NEMP2: variants seen among roughly 807,000 people sequenced by gnomAD.
The protein encoded by NEMP2 is nuclear envelope integral membrane protein 2.
NEMP2 carries 53 observed loss-of-function variants against 54.2 expected under a neutral mutation model. The ratio of observed to expected loss-of-function variants is 0.98; its 90% CI spans 0.78 to 1.23. The LOEUF is 1.23. Ranked by LOEUF, NEMP2 falls within the 50% of genes most tolerant of loss-of-function variation. NEMP2 has a pLI of 0.00. For missense variants in NEMP2, 455 were observed against 511.3 expected (o/e 0.89, Z 1.06); for synonymous variants, 197 against 190.3 (o/e 1.04, Z -0.29).
rs774877917 is a variant in NEMP2, at chr2:190,510,390, C to G, written c.1101G>C (p.Leu367=). The G allele has an allele frequency of 4.7e-5, 73 of 1,551,574 alleles. No individual in the cohort carries two copies. Among genetic ancestry groups the G allele is most frequent in the Non-Finnish European group, 5.9e-5 (68 of 1,147,016 alleles). ...ACRKPDFPSW[L]VVSRLHTPSK... ...TAGGAGTGTGGAGTCTGGAGACGACCAGCCATGAGGGAAAGTCGGGTTTTC... is the reference window on the plus strand; with the variant it reads ...TAGGAGTGTGGAGTCTGGAGACGACGAGCCATGAGGGAAAGTCGGGTTTTC... Residue 367 remains leucine (L), a synonymous_variant, in exon 8 of 9, where the codon CTG becomes CTC. Coordinates refer to ENST00000409150, the MANE Select transcript of NEMP2 (RefSeq NM_001142645.2). This position sits in a 1 kb window ranked among gnomAD's most constrained non-coding sequence, Gnocchi z 5.7.
chr2:190,624,198 A>T, the NEMP2 span, among the ~76,000 whole-genome samples: 1 of 152,242 alleles, frequency 6.6e-6, no homozygotes, highest in Admixed American at 6.5e-5. Context: ...TATTAAAAAA[A>T]TGGTCAACAT....
chr2:190,479,408 T>A, the NEMP2 span, among the ~76,000 whole-genome samples: 23 of 152,328 alleles, frequency 1.5e-4, no homozygotes, highest in African/African-American at 5.1e-4. Context: ...GGAGTCTACG[T>A]GCCTAAAAGC....
At chr2:190,541,288 C>T in the NEMP2 span, among the ~76,000 whole-genome samples, 1 of 151,382 alleles carries the variant, frequency 6.6e-6, no homozygotes, top group Non-Finnish European at 1.5e-5. The surrounding 1 kb of genome is among the most constrained non-coding windows in gnomAD (Gnocchi z 5.2). Flanking sequence ...TTTCTAGTTC[C>T]TTCTAGTTCC....
chr2:190,553,878 G>A, the NEMP2 span, among the ~76,000 whole-genome samples: 2 of 152,276 alleles, frequency 1.3e-5, no homozygotes, highest in East Asian at 1.9e-4. Context: ...CTGGCAAGAT[G>A]GCTGAATAGG....
At position 190,519,075 on chromosome 2, in the gene NEMP2, A is replaced by C; in HGVS notation, c.322T>G (p.Phe108Val). The C allele has an allele frequency of 1.3e-6, 2 of 1,550,998 alleles. No individual in the cohort carries two copies. The highest frequency in any genetic ancestry group is 1.2e-5 in the South Asian group (1 of 84,042). ...TCGTTAGATTCCTTTGGTATCCAAA[A>C]GTTATGAATCACACATTTGATAAAA... is the stretch of plus-strand genomic sequence containing the variant. ...LSFIKCVIHN[F>V]WIPKESNEIT... The change falls in exon 3 of 9, where the codon TTT becomes GTT. Residue 108 changes from phenylalanine (F) to valine (V), a missense_variant. Coordinates refer to ENST00000409150, the MANE Select transcript of NEMP2 (RefSeq NM_001142645.2). The surrounding 1 kb of genome is among the most constrained non-coding windows in gnomAD (Gnocchi z 5.4).
the NEMP2 span, chr2:190,437,627 CCTT>C: frequency 3.5e-5 from 53 of 1,498,866 alleles, 1 homozygote; most frequent in South Asian, 2.8e-4. This position sits in a 1 kb window ranked among gnomAD's most constrained non-coding sequence, Gnocchi z 5.9. Flanking sequence ...GTTTATAGCT[CCTT>C]CTACTACAAT....
rs1215769519 is a variant in NEMP2 at position 190,531,336 on chromosome 2, T to A, written c.97+3223A>T. On this transcript the variant is annotated intron_variant, in intron 1 of 8. Coordinates refer to ENST00000409150, the MANE Select transcript of NEMP2 (RefSeq NM_001142645.2). The surrounding 1 kb of genome is among the most constrained non-coding windows in gnomAD (Gnocchi z 4.7). ...GGCTATCCCAGGTTTGCCTCAACCC[T>A]CAAGGACTGAGGAGTATCTGTGGGA... Among the ~76,000 whole-genome samples the A allele has an allele frequency of 6.6e-6, 1 of 152,120 alleles. No individual in the cohort carries two copies. The highest frequency in any genetic ancestry group is 1.9e-4 in the East Asian group (1 of 5,190).
rs1574313235 is a variant in NEMP2 at position 190,527,152 on chromosome 2, T to C, written c.98-1774A>G. Reference sequence around the variant, plus strand: ...AGAAATGGGCTTTACATCCAACCCCTGACTCCTTTAAGGAAAGTGTGGTCA... The same window carrying C: ...AGAAATGGGCTTTACATCCAACCCCCGACTCCTTTAAGGAAAGTGTGGTCA... On this transcript the variant is annotated intron_variant, in intron 1 of 8. Coordinates refer to ENST00000409150, the MANE Select transcript of NEMP2 (RefSeq NM_001142645.2). The surrounding 1 kb of genome is among the most constrained non-coding windows in gnomAD (Gnocchi z 4.0). Among the ~76,000 whole-genome samples the C allele has an allele frequency of 6.6e-6, 1 of 152,332 alleles. No homozygotes were observed. Among genetic ancestry groups the C allele is most frequent in the East Asian group, 1.9e-4 (1 of 5,182 alleles).
chr2:190,560,628 T>C, the NEMP2 span, among the ~76,000 whole-genome samples: 191 of 152,372 alleles, frequency 1.3e-3, 1 homozygote, highest in African/African-American at 4.3e-3. The surrounding 1 kb of genome is among the most constrained non-coding windows in gnomAD (Gnocchi z 5.4). Flanking sequence ...TCTTAGGTGA[T>C]ACCTTCTTTT....
chr2:190,435,683 C>CT, the NEMP2 span, among the ~76,000 whole-genome samples: 1 of 152,120 alleles, frequency 6.6e-6, no homozygotes, highest in South Asian at 2.1e-4. Flanking sequence ...GACATAATCC[C>CT]TATTATTTGT....
At chr2:190,639,741 C>G in the NEMP2 span, among the ~76,000 whole-genome samples, 36,423 of 151,822 alleles carry the variant, frequency 0.24, 5,036 homozygotes, top group South Asian at 0.34. Flanking sequence ...CTCAGCCTCC[C>G]GGGTTCAAGT....
At chr2:190,442,558 A>T in the NEMP2 span, 1 of 150,338 alleles carries the variant, frequency 6.7e-6, no homozygotes, top group African/African-American at 2.4e-5. Context: ...AAGAGACGGT[A>T]CAGGCCTGAA....
the NEMP2 span, among the ~76,000 whole-genome samples, chr2:190,551,649 T>C: frequency 6.6e-6 from 1 of 152,230 alleles, no homozygotes; most frequent in Non-Finnish European, 1.5e-5. Flanking sequence ...CATGTCTTTC[T>C]TGTGTAGGGA....
the NEMP2 span, among the ~76,000 whole-genome samples, chr2:190,540,106 C>T: frequency 7.2e-4 from 109 of 152,036 alleles, no homozygotes; most frequent in East Asian, 9.7e-4. Context: ...ATATTCAGTT[C>T]GTTGAAGGTT....
chr2:190,543,935 T>A, the NEMP2 span, among the ~76,000 whole-genome samples: 1 of 152,220 alleles, frequency 6.6e-6, no homozygotes, highest in Non-Finnish European at 1.5e-5. The surrounding 1 kb of genome is among the most constrained non-coding windows in gnomAD (Gnocchi z 4.7). Context: ...AGAAGTAAAA[T>A]TCAGCTCATG....
In NEMP2 at chr2:190,527,064, A is replaced by T. The variant is rs1052640379; in HGVS notation, c.98-1686T>A. Among the ~76,000 whole-genome samples the T allele has an allele frequency of 6.6e-6, 1 of 152,190 alleles. No individual in the cohort carries two copies. The highest frequency in any genetic ancestry group is 2.4e-5 in the African/African-American group (1 of 41,436). On this transcript the variant is annotated intron_variant, in intron 1 of 8. Transcript: ENST00000409150. This position sits in a 1 kb window ranked among gnomAD's most constrained non-coding sequence, Gnocchi z 4.0. ...TCGTAAGTTCTTCCGGATTCAAGAT[A>T]GAGTGTCACCTCCACATCTGTTCTT...
At chr2:190,466,206 T>C in the NEMP2 span, among the ~76,000 whole-genome samples, 19 of 152,314 alleles carry the variant, frequency 1.2e-4, no homozygotes, top group South Asian at 3.7e-3. Context: ...TAAGGCTATA[T>C]TTCCAAATAC....
the NEMP2 span, chr2:190,497,942 C>G: frequency 2.3e-6 from 1 of 427,374 alleles, no homozygotes; most frequent in Non-Finnish European, 4.1e-6. The surrounding 1 kb of genome is among the most constrained non-coding windows in gnomAD (Gnocchi z 5.2). Flanking sequence ...AGGAAAACTT[C>G]AGAGGTTATG....
chr2:190,599,566 AAATTTT>A, the NEMP2 span, among the ~76,000 whole-genome samples: 2 of 152,228 alleles, frequency 1.3e-5, no homozygotes, highest in Admixed American at 6.5e-5. Flanking sequence ...ATGCATTTAA[AAATTTT>A]AATTTTAACT....
Sources: allele counts gnomAD v4.1 joint callset (sites outside exome capture counted in the v4.1 genomes callset), GRCh38; gene constraint gnomAD v4.1.1; non-coding constraint Gnocchi (gnomAD v3.1); transcripts MANE v1.5; gene names NCBI Gene and HGNC (gene_info 2026-07-23, HGNC 2026-07-21).